The following NBPF9 variants were observed in gnomAD, a reference collection of about 807,000 sequenced individuals.
The protein encoded by NBPF9 is NBPF family member NBPF9.
In NBPF9, 91 loss-of-function variants were observed where a neutral mutation model predicts 97.8. The ratio of observed to expected loss-of-function variants is 0.93; its 90% CI spans 0.79 to 1.11. The LOEUF (loss-of-function observed/expected upper bound fraction) is 1.11. Ranked by LOEUF, NBPF9 falls within the 50% of genes least tolerant of loss-of-function variation. The probability of loss-of-function intolerance (pLI) is 0.00; values close to 1 mark genes in which losing one functional copy is unlikely to be tolerated. For synonymous variants in NBPF9, 334 were observed against 359.5 expected (o/e 0.93, Z 0.80); for missense variants, 992 against 939.5 (o/e 1.06, Z -0.73).
chr1:149,070,858 T>C, intron 16 of NBPF9, 76 bp downstream of exon 16: 2 of 1,302,284 alleles, frequency 1.5e-6, no homozygotes, highest in East Asian at 2.3e-5. Flanking sequence ...TGAATTTGTG[T>C]TTATAGAGCC....
At chr1:149,090,398 T>A (rs1293349508) in intron 5 of NBPF9, 2 of 235,314 alleles carry the variant, frequency 8.5e-6, no homozygotes, top group Non-Finnish European at 1.7e-5. Context: ...TCTATGACCA[T>A]CTGTTTCATG....
intron 5 of NBPF9, among the ~76,000 whole-genome samples, chr1:149,089,931 CAG>C (rs2081307539): frequency 6.6e-6 from 1 of 152,130 alleles, no homozygotes; most frequent in African/African-American, 2.4e-5. Flanking sequence ...CGCACGGCCC[CAG>C]AGTCAGGGGC....
chr1:149,099,621 C>G (rs1314563660), intron 3 of NBPF9, among the ~76,000 whole-genome samples: 1 of 152,098 alleles, frequency 6.6e-6, no homozygotes, highest in Admixed American at 6.5e-5. Flanking sequence ...ACAATGAATA[C>G]TATATTCATA....
intron 5 of NBPF9, among the ~76,000 whole-genome samples, chr1:149,082,678 T>A (rs1553657187): frequency 6.9e-6 from 1 of 143,982 alleles, no homozygotes; most frequent in African/African-American, 2.6e-5. Flanking sequence ...CTGTACAACA[T>A]CATCAAGGCA....
At chr1:149,082,333 A>T (rs1179058331) in exon 6 of NBPF9, 1 of 1,544,296 alleles carries the variant, frequency 6.5e-7, no homozygotes, top group Non-Finnish European at 8.7e-7. Context: ...CCACAAAAAC[A>T]AGGTTTGAGG....
At chr1:149,100,079 G>A (rs1392188430) in intron 3 of NBPF9, among the ~76,000 whole-genome samples, 1 of 141,496 alleles carries the variant, frequency 7.1e-6, no homozygotes, top group Non-Finnish European at 1.5e-5. Context: ...ATGGCTTAAC[G>A]CTTATTTAGG....
At chr1:149,071,974 C>A (rs1341088781) in intron 14 of NBPF9, among the ~76,000 whole-genome samples, 2 of 148,976 alleles carry the variant, frequency 1.3e-5, no homozygotes, top group South Asian at 4.4e-4. Flanking sequence ...TCTCCCCCAT[C>A]CTGCCAGATC....
chr1:149,071,510 T>G (rs1553652918), intron 15 of NBPF9, 94 bp downstream of exon 15: 1 of 1,117,626 alleles, frequency 8.9e-7, no homozygotes, highest in Non-Finnish European at 1.3e-6. Context: ...CGAATGCGGG[T>G]TTTTGGCCCA....
chr1:149,062,954 T>A (rs781965789), intron 20 of NBPF9, 41 bp from the exon 21 acceptor site: 40 of 764,430 alleles, frequency 5.2e-5, no homozygotes, highest in Middle Eastern at 3.6e-4. Context: ...TTAAGCTGGT[T>A]CTCCTACACA....
At chr1:149,055,526 G>A (rs1422476585) in exon 30 of NBPF9, 5 of 1,549,940 alleles carry the variant, frequency 3.2e-6, no homozygotes, top group Admixed American at 3.8e-5. Context: ...TTTGAGAATA[G>A]GAATAGAGCC....
chr1:149,064,891 T>C (rs1224004335), intron 18 of NBPF9: 2 of 526,774 alleles, frequency 3.8e-6, no homozygotes, highest in Non-Finnish European at 6.7e-6. Context: ...GGGGGTGCAA[T>C]GAACCAGCTC....
At chr1:149,069,005 C>T (rs2079201963) in intron 17 of NBPF9, among the ~76,000 whole-genome samples, 1 of 152,160 alleles carries the variant, frequency 6.6e-6, no homozygotes, top group Non-Finnish European at 1.5e-5. Context: ...AACTGAACAA[C>T]CTGCTCCTGA....
At chr1:149,058,098 GT>G in intron 27 of NBPF9, 65 bp downstream of exon 27, 2 of 515,776 alleles carry the variant, frequency 3.9e-6, no homozygotes, top group Non-Finnish European at 6.6e-6. Context: ...AGCCCGCTCT[GT>G]TTTCCCTGAA....
At chr1:149,078,118 C>T (rs1333893249) in intron 9 of NBPF9, among the ~76,000 whole-genome samples, 163 bp from the exon 10 acceptor site, 3 of 149,966 alleles carry the variant, frequency 2.0e-5, no homozygotes, top group African/African-American at 4.9e-5. Context: ...GTTTCCTGCT[C>T]CATCGGGCAA....
At chr1:149,101,899 C>T (rs1171731441) in intron 2 of NBPF9, among the ~76,000 whole-genome samples, 2 of 135,084 alleles carry the variant, frequency 1.5e-5, no homozygotes, top group East Asian at 2.1e-4. Context: ...TGGTGGTTCA[C>T]TTGGTAAAAA....
intron 12 of NBPF9, among the ~76,000 whole-genome samples, chr1:149,074,725 G>C (rs1234790163): frequency 6.6e-6 from 1 of 151,260 alleles, no homozygotes; most frequent in African/African-American, 2.4e-5. Context: ...TTCCTCTTTA[G>C]CAACAAGACT....
intron 14 of NBPF9, among the ~76,000 whole-genome samples, chr1:149,071,906 C>G (rs2079442157): frequency 6.6e-6 from 1 of 151,884 alleles, no homozygotes; most frequent in Non-Finnish European, 1.5e-5. Context: ...TTGAAAAGAC[C>G]TTTCGCTTCC....
exon 16 of NBPF9, chr1:149,070,963 T>C (rs1553652795): frequency 6.2e-7 from 1 of 1,612,734 alleles, no homozygotes; most frequent in Non-Finnish European, 8.5e-7. Context: ...ATCTTCCCGT[T>C]CAACATGAGA....
intron 5 of NBPF9, among the ~76,000 whole-genome samples, chr1:149,087,705 A>G (rs1409815080): frequency 2.0e-5 from 3 of 151,080 alleles, no homozygotes; most frequent in East Asian, 2.0e-4. Context: ...CTTTTTAAAC[A>G]TAACAACTCT....
Sources: allele counts gnomAD v4.1 joint callset (sites outside exome capture counted in the v4.1 genomes callset), GRCh38; gene constraint gnomAD v4.1.1; transcripts MANE v1.5; gene names NCBI Gene and HGNC (gene_info 2026-07-23, HGNC 2026-07-21).